The following RPRD1B variants were observed in gnomAD, a reference collection of about 807,000 sequenced individuals.
The protein encoded by RPRD1B is regulation of nuclear pre-mRNA domain-containing protein 1B.
In RPRD1B, 11 loss-of-function variants were observed where a neutral mutation model predicts 41.5. The observed-to-expected ratio is 0.27, with a 90% CI of 0.17 to 0.44. The LOEUF (loss-of-function observed/expected upper bound fraction) is 0.44. RPRD1B is among the 20% of genes least tolerant of loss of function. RPRD1B has a pLI of 1.00. For synonymous variants in RPRD1B, 158 were observed against 155.6 expected, an observed-to-expected ratio of 1.02 and a Z score of -0.12; for missense variants, 248 against 389.9, an observed-to-expected ratio of 0.64 and a Z score of 3.06.
At position 38,092,283 on chromosome 20, in the gene RPRD1B, T is replaced by C; in HGVS notation, c.*2408T>C. 1 of 985,082 alleles carries C rather than the reference T, an allele frequency of 1.0e-6. No homozygotes were observed. Among genetic ancestry groups the C allele is most frequent in the Non-Finnish European group, 1.2e-6 (1 of 829,216 alleles). The allele number at this position is 985,082 out of a possible 1,614,324, so 61.0% of individuals were successfully genotyped here. ...ATTAATTTAGGACTATTTAGAAGTA[T>C]AGGCTGTCGTTGGCGGCAGCAGTAT... On this transcript the variant is annotated 3_prime_UTR_variant, in exon 7 of 7. Coordinates refer to ENST00000373433, the MANE Select transcript of RPRD1B (RefSeq NM_021215.4).
intron 5 of RPRD1B, among the ~76,000 whole-genome samples, chr20:38,061,908 A>G (rs942029065): frequency 6.6e-6 from 1 of 152,166 alleles, no homozygotes; most frequent in African/African-American, 2.4e-5. Flanking sequence ...GAACCTGTGT[A>G]TATGTAATCT....
chr20:38,076,129 G>T (rs926619551), intron 6 of RPRD1B, among the ~76,000 whole-genome samples: 1 of 152,180 alleles, frequency 6.6e-6, no homozygotes, highest in Admixed American at 6.5e-5. Context: ...TGCTCACAGT[G>T]TGTCTGTTCT....
chr20:38,060,842 GTC>G (rs1259436608), intron 5 of RPRD1B, among the ~76,000 whole-genome samples: 13 of 152,076 alleles, frequency 8.5e-5, no homozygotes, highest in Non-Finnish European at 1.8e-4. Flanking sequence ...TCAGATTGGA[GTC>G]TCTCTTTTCA....
At chr20:38,057,788 A>G in intron 4 of RPRD1B, 144 bp downstream of exon 4, 1 of 574,226 alleles carries the variant, frequency 1.7e-6, no homozygotes, top group East Asian at 2.8e-5. Flanking sequence ...CATCCTGCCC[A>G]AAGGAGCTTG....
At chr20:38,037,178 T>C (rs2074012083) in intron 1 of RPRD1B, among the ~76,000 whole-genome samples, 5 of 152,224 alleles carry the variant, frequency 3.3e-5, no homozygotes, top group Admixed American at 2.6e-4. Context: ...GCTTAAATAC[T>C]TCTATTCCTG....
chr20:38,037,907 T>C (rs990076152), intron 1 of RPRD1B, among the ~76,000 whole-genome samples: 2 of 152,178 alleles, frequency 1.3e-5, no homozygotes, highest in Admixed American at 1.3e-4. Flanking sequence ...CTTCACTTAA[T>C]GAAATTTGCT....
intron 3 of RPRD1B, among the ~76,000 whole-genome samples, chr20:38,051,775 G>C (rs1194175850): frequency 1.3e-5 from 2 of 152,176 alleles, no homozygotes; most frequent in African/African-American, 4.8e-5. Context: ...TTTTTGAGAT[G>C]AAGTCTTGCT....
chr20:38,049,936 T>G (rs899898902), intron 3 of RPRD1B: 11 of 441,814 alleles, frequency 2.5e-5, no homozygotes, highest in African/African-American at 2.2e-4. Context: ...GTTTACCCTC[T>G]GGATGCTCTG....
chr20:38,091,640 C>T lies in RPRD1B; in HGVS notation c.*1765C>T, dbSNP rs1453988551. ...CTGCACTCCCCAACCTCTCCCCCAC[C>T]CCCCGTGGTGTGCTGCTTTCTAGAT... is the stretch of plus-strand genomic sequence containing the variant. On this transcript the variant is annotated 3_prime_UTR_variant, in exon 7 of 7. Transcript: ENST00000373433. 3 of 985,486 alleles carry T rather than the reference C, an allele frequency of 3.0e-6. No homozygotes were observed. The highest frequency in any genetic ancestry group is 6.1e-5 in the Admixed American group (1 of 16,262). 61.0% of individuals were successfully genotyped at this position (985,486 alleles called of 1,614,324 possible).
At chr20:38,056,397 A>AAAAAT (rs1568650841) in intron 3 of RPRD1B, among the ~76,000 whole-genome samples, 1 of 152,028 alleles carries the variant, frequency 6.6e-6, no homozygotes, top group East Asian at 1.9e-4. Flanking sequence ...ATCTAAAAAA[A>AAAAAT]AAAAATAAAA....
At chr20:38,079,197 A>T (rs2074491357) in intron 6 of RPRD1B, among the ~76,000 whole-genome samples, 1 of 151,270 alleles carries the variant, frequency 6.6e-6, no homozygotes, top group African/African-American at 2.4e-5. Flanking sequence ...TGAGTTTGTC[A>T]CATGTTATAT....
intron 2 of RPRD1B, among the ~76,000 whole-genome samples, chr20:38,044,809 C>G (rs1235740410): frequency 6.6e-6 from 1 of 152,150 alleles, no homozygotes; most frequent in Non-Finnish European, 1.5e-5. Flanking sequence ...GCAGTCTGGC[C>G]TTCTGTGTTA....
At chr20:38,050,135 G>A (rs1022694662) in intron 3 of RPRD1B, among the ~76,000 whole-genome samples, 14 of 152,186 alleles carry the variant, frequency 9.2e-5, no homozygotes, top group Admixed American at 7.9e-4. Flanking sequence ...ATAGAACCTA[G>A]TCATGATTAG....
chr20:38,072,271 G>A (rs1389849424), intron 6 of RPRD1B, among the ~76,000 whole-genome samples: 1 of 152,146 alleles, frequency 6.6e-6, no homozygotes, highest in Non-Finnish European at 1.5e-5. Context: ...TTGTTGAAGA[G>A]ACTACTCTTT....
chr20:38,089,680 C>A, intron 6 of RPRD1B, 46 bp from the exon 7 acceptor site: 1 of 1,537,330 alleles, frequency 6.5e-7, no homozygotes, highest in Non-Finnish European at 9.0e-7. Flanking sequence ...CCCATGCCCT[C>A]GGCACGCACA....
intron 4 of RPRD1B, 49 bp downstream of exon 4, chr20:38,057,693 C>G (rs1366489052): frequency 7.6e-6 from 10 of 1,320,438 alleles, no homozygotes; most frequent in East Asian, 4.6e-5. Context: ...AAAGTGACCT[C>G]TAGTTGAAGA....
In RPRD1B at chr20:38,090,951, G is replaced by C; in HGVS notation, c.*1076G>C. ...CACACGACGGGGAGTACTTGCGTCA[G>C]ATGTTATTGAATAGCTCGTCTCGGG... On this transcript the variant is annotated 3_prime_UTR_variant, in exon 7 of 7. Coordinates refer to ENST00000373433, the MANE Select transcript of RPRD1B (RefSeq NM_021215.4). 1.0e-6 allele frequency: 1 copy of C among 985,232 alleles called. No individual in the cohort carries two copies. The highest frequency in any genetic ancestry group is 1.7e-5 in the African/African-American group (1 of 57,348). 61.0% of individuals were successfully genotyped at this position (985,232 alleles called of 1,614,324 possible).
intron 5 of RPRD1B, among the ~76,000 whole-genome samples, chr20:38,061,821 C>CT (rs1174265920): frequency 6.6e-6 from 1 of 152,172 alleles, no homozygotes; most frequent in African/African-American, 2.4e-5. Context: ...CCTGAAAATA[C>CT]TTTCTTCACT....
rs201175296 is a variant in RPRD1B, at chr20:38,070,738, A to ATT, written c.831+4500_831+4501dup. ...CTGCAGTTTTCCCTTCTTAACTGTG[A>ATT]TTTTTTTTTTTTTTTTTTTGAGACA... On this transcript the variant is annotated intron_variant, in intron 6 of 6. Transcript: ENST00000373433. 5,041 of 879,204 alleles carry ATT rather than the reference A, an allele frequency of 5.7e-3. 1 individual carries two copies. The highest frequency in any genetic ancestry group is 6.2e-3 in the Non-Finnish European group (4,628 of 749,834). 54.5% of individuals were successfully genotyped at this position (879,204 alleles called of 1,614,324 possible). A position where few individuals can be genotyped will look rare whatever the true frequency, so the allele number is the denominator to read the frequency against.
Sources: allele counts gnomAD v4.1 joint callset (sites outside exome capture counted in the v4.1 genomes callset), GRCh38; gene constraint gnomAD v4.1.1; transcripts MANE v1.5; gene names NCBI Gene and HGNC (gene_info 2026-07-23, HGNC 2026-07-21).